FARP1: variants seen among roughly 807,000 people sequenced by gnomAD.
The protein encoded by FARP1 is FERM, ARHGEF and pleckstrin domain-containing protein 1.
In FARP1, 52 loss-of-function variants were observed where a neutral mutation model predicts 128.8. The observed-to-expected ratio is 0.40, with a 90% CI of 0.32 to 0.51. The LOEUF is 0.51. Ranked by LOEUF, FARP1 falls within the 20% of genes least tolerant of loss-of-function variation. The pLI is 0.45. For synonymous variants in FARP1, 580 were observed against 551.8 expected, an observed-to-expected ratio of 1.05 and a Z score of -0.72; for missense variants, 1,333 against 1,367.9, an observed-to-expected ratio of 0.97 and a Z score of 0.40.
At chr13:98,175,098 G>A (rs778238652) in intron 1 of FARP1, among the ~76,000 whole-genome samples, 1 of 152,186 alleles carries the variant, frequency 6.6e-6, no homozygotes, top group Non-Finnish European at 1.5e-5. Flanking sequence ...TTCACTAACT[G>A]ACTTTTTATT....
intron 2 of FARP1, among the ~76,000 whole-genome samples, chr13:98,231,392 T>A (rs1486184580): frequency 6.6e-6 from 1 of 152,180 alleles, no homozygotes; most frequent in Non-Finnish European, 1.5e-5. Flanking sequence ...GCTTTCCATG[T>A]AGATGCTATG....
rs16955011 is a variant in FARP1, at chr13:98,176,963, C to T, written c.-24+33471C>T. The T allele has an allele frequency of 0.066, 105,289 of 1,600,954 alleles. 4,323 individuals are homozygous for T. The highest frequency in any genetic ancestry group is 0.17 in the African/African-American group (12,801 of 74,902). The stretch of plus-strand genomic sequence containing the variant: ...GCCGAGCGGGTGGACCTGTACACCA[C>T]GTCGAGGCTCTCAGGCGCCGCCTCC... On this transcript the variant is annotated intron_variant, in intron 1 of 26. Transcript: ENST00000319562. This position sits in a 1 kb window ranked among gnomAD's most constrained non-coding sequence, Gnocchi z 6.2.
At chr13:98,296,288 C>T (rs560984184) in intron 2 of FARP1, among the ~76,000 whole-genome samples, 27 of 152,218 alleles carry the variant, frequency 1.8e-4, no homozygotes, top group African/African-American at 4.6e-4. Context: ...CTTCCTGTCC[C>T]GTGGCCCCCC....
chr13:98,234,715 T>A (rs1882321731), intron 2 of FARP1: 2 of 152,158 alleles, frequency 1.3e-5, no homozygotes, highest in Admixed American at 1.3e-4. Flanking sequence ...AATAAATGAA[T>A]GTATGGACAA....
intron 13 of FARP1, chr13:98,399,303 G>C (rs1393939689): frequency 6.6e-6 from 1 of 152,190 alleles, no homozygotes; most frequent in Non-Finnish European, 1.5e-5. Flanking sequence ...TTTGAGCCTG[G>C]TGGAGCACGT....
intron 16 of FARP1, among the ~76,000 whole-genome samples, chr13:98,418,248 GTT>G (rs1566305816): frequency 6.8e-6 from 1 of 148,136 alleles, no homozygotes; most frequent in African/African-American, 2.5e-5. Flanking sequence ...AAAATTACAT[GTT>G]TATTTGTTTG....
At chr13:98,242,227 AC>A (rs1018153557) in intron 2 of FARP1, among the ~76,000 whole-genome samples, 1 of 151,246 alleles carries the variant, frequency 6.6e-6, no homozygotes, top group Non-Finnish European at 1.5e-5. Context: ...TTCGTAGCGT[AC>A]TCCCCCTCCC....
chr13:98,362,877 A>G (rs1484046380), intron 3 of FARP1, among the ~76,000 whole-genome samples: 2 of 151,858 alleles, frequency 1.3e-5, no homozygotes, highest in Non-Finnish European at 2.9e-5. Context: ...GGTTATTGTC[A>G]CCTCCTTCCC....
intron 13 of FARP1, chr13:98,396,391 C>G (rs954324817): frequency 2.5e-6 from 1 of 399,162 alleles, no homozygotes; most frequent in Non-Finnish European, 4.4e-6. Context: ...CGCAGTGCTG[C>G]GTTCCCCGTC....
intron 19 of FARP1, among the ~76,000 whole-genome samples, chr13:98,436,549 C>G (rs1402229576): frequency 6.6e-6 from 1 of 152,186 alleles, no homozygotes; most frequent in Non-Finnish European, 1.5e-5. Flanking sequence ...GGCTTTTAGT[C>G]TTTTTCCAAC....
At chr13:98,338,729 A>G (rs1402568073) in intron 2 of FARP1, 1 of 152,218 alleles carries the variant, frequency 6.6e-6, no homozygotes, top group African/African-American at 2.4e-5. Flanking sequence ...AAACTGCTGT[A>G]CTGTTTTTCC....
At chr13:98,247,760 C>T (rs911311204) in intron 2 of FARP1, among the ~76,000 whole-genome samples, 30 of 151,224 alleles carry the variant, frequency 2.0e-4, no homozygotes, top group South Asian at 2.1e-4. Flanking sequence ...GATTGGGAGC[C>T]GATAAGAAAG....
In FARP1 at chr13:98,450,075, G is replaced by A. The variant is rs1176745414; in HGVS notation, c.*1758G>A. On this transcript the variant is annotated 3_prime_UTR_variant, in exon 27 of 27. Coordinates refer to ENST00000319562, the MANE Select transcript of FARP1 (RefSeq NM_005766.4). Reference sequence around the variant, plus strand: ...ATTCCAAACTACTTGCTGGACACTGGTGGTTCTGACCTGTGACCAGCACCT... The same window carrying A: ...ATTCCAAACTACTTGCTGGACACTGATGGTTCTGACCTGTGACCAGCACCT... 1 of 152,190 alleles carries A rather than the reference G, an allele frequency of 6.6e-6. No individual in the cohort carries two copies. The highest frequency in any genetic ancestry group is 1.5e-5 in the Non-Finnish European group (1 of 68,048). 9.4% of individuals were successfully genotyped at this position (152,190 alleles called of 1,614,324 possible). A position where few individuals can be genotyped will look rare whatever the true frequency, so the allele number is the denominator to read the frequency against.
intron 16 of FARP1, among the ~76,000 whole-genome samples, chr13:98,421,580 A>T (rs58898880): frequency 6.6e-6 from 1 of 152,082 alleles, no homozygotes; most frequent in African/African-American, 2.4e-5. Flanking sequence ...TAACAAGGCC[A>T]GGCAATGTGG....
intron 16 of FARP1, among the ~76,000 whole-genome samples, chr13:98,419,714 A>G (rs1376979408): frequency 6.6e-6 from 1 of 152,152 alleles, no homozygotes; most frequent in African/African-American, 2.4e-5. Flanking sequence ...GAGGACAATG[A>G]TGTGGTATTG....
intron 1 of FARP1, among the ~76,000 whole-genome samples, chr13:98,183,994 G>A (rs1487622017): frequency 1.3e-5 from 2 of 152,068 alleles, no homozygotes; most frequent in Non-Finnish European, 2.9e-5. Context: ...CCAGGTCATA[G>A]GTATTAAAAA....
intron 3 of FARP1, among the ~76,000 whole-genome samples, chr13:98,347,840 A>G (rs1888244557): frequency 6.6e-6 from 1 of 152,208 alleles, no homozygotes; most frequent in Admixed American, 6.5e-5. Flanking sequence ...ATAGGGCTGT[A>G]ACAACTGGGT....
chr13:98,203,146 T>C (rs1566735730), intron 1 of FARP1, among the ~76,000 whole-genome samples: 1 of 152,240 alleles, frequency 6.6e-6, no homozygotes, highest in Non-Finnish European at 1.5e-5. Context: ...GCCGCCTCAC[T>C]GGAGTCAGCT....
intron 3 of FARP1, among the ~76,000 whole-genome samples, chr13:98,359,072 T>C (rs1329474020): frequency 1.3e-5 from 2 of 152,228 alleles, no homozygotes; most frequent in African/African-American, 2.4e-5. Flanking sequence ...TTTTGTCATA[T>C]GCTGTTTTGG....
Sources: allele counts gnomAD v4.1 joint callset (sites outside exome capture counted in the v4.1 genomes callset), GRCh38; gene constraint gnomAD v4.1.1; non-coding constraint Gnocchi (gnomAD v3.1); transcripts MANE v1.5; gene names NCBI Gene and HGNC (gene_info 2026-07-23, HGNC 2026-07-21).